Variants in IGFALS observed in about 807,000 individuals in gnomAD.
IGFALS encodes insulin like growth factor binding protein acid labile subunit, also known as insulin-like growth factor-binding protein complex acid labile subunit.
A neutral mutation model predicts 2.6 loss-of-function variants in IGFALS; 2 were observed. The observed-to-expected ratio is 0.77, with a 90% CI of 0.32 to 2.44. The LOEUF (loss-of-function observed/expected upper bound fraction) is 2.44, where lower values mean the gene tolerates loss of function less well. IGFALS is among the 30% of genes most tolerant of loss of function. IGFALS has a pLI of 0.11. For missense variants in IGFALS, 996 were observed against 848.7 expected (o/e 1.17, Z -2.16); for synonymous variants, 519 against 431.9 (o/e 1.20, Z -2.50).
chr16:1,793,524 A>C (rs1897276281), intron 1 of IGFALS, 113 bp downstream of exon 1: 4 of 999,582 alleles, frequency 4.0e-6, no homozygotes, highest in Admixed American at 4.9e-5. Flanking sequence ...GCAGACCCCC[A>C]GAGCTGAGCC....
chr16:1,791,265 G>T lies in IGFALS; in HGVS notation c.1153C>A (p.Leu385Met). The part of the protein sequence containing the change: ...RNLPEQVFRG[L>M]GKLHSLHLEG... ...AGGTGCAGGCTGTGCAGCTTGCCCA[G>T]GCCCCGGAACACCTGCTCCGGAAGG... is the stretch of plus-strand genomic sequence containing the variant. Residue 385 changes from leucine (L) to methionine (M), a missense_variant, in exon 2 of 2, where the codon CTG becomes ATG. By Grantham distance (15) the Leu-to-Met change is conservative (BLOSUM62 2). Coordinates refer to ENST00000215539, the MANE Select transcript of IGFALS (RefSeq NM_004970.3). 6.2e-7 allele frequency: 1 copy of T among 1,609,266 alleles called. No homozygotes were observed. The highest frequency in any genetic ancestry group is 8.5e-7 in the Non-Finnish European group (1 of 1,179,908).
Position 1,790,558 on chromosome 16 carries a change from C to T in IGFALS, c.*42G>A, listed in dbSNP as rs906572131. 2.0e-6 allele frequency: 3 copies of T among 1,508,812 alleles called. No homozygotes were observed. Among genetic ancestry groups the T allele is most frequent in the African/African-American group, 2.8e-5 (2 of 72,296 alleles). 93.5% of individuals were successfully genotyped at this position (1,508,812 alleles called of 1,614,324 possible). ...GACCTGTCCCCAGCACAAGGTGAGC[C>T]AGGTGGGGGCCTGAGTCCGGGGCTT... On this transcript the variant is annotated 3_prime_UTR_variant, in exon 2 of 2. Transcript: ENST00000215539.
At position 1,791,203 on chromosome 16, in the gene IGFALS, G is replaced by C; in HGVS notation, c.1215C>G (p.Thr405=). 1 of 1,608,110 alleles carries C rather than the reference G, an allele frequency of 6.2e-7. No homozygotes were observed. The highest frequency in any genetic ancestry group is 8.5e-7 in the Non-Finnish European group (1 of 1,179,890). ...GGCGGAGCCCCGAGAGGCCGGTGAA[G>C]GTGTGCGGGCGGATGCGTCCCAGGC... ...GSCLGRIRPH[T]FTGLSGLRRL... The change falls in exon 2 of 2, where the codon ACC becomes ACG. Residue 405 remains threonine, a synonymous_variant. Coordinates refer to ENST00000215539, the MANE Select transcript of IGFALS (RefSeq NM_004970.3).
In IGFALS at chr16:1,791,898, C is replaced by T; in HGVS notation, c.520G>A (p.Asp174Asn). 1 of 1,572,728 alleles carries T rather than the reference C, an allele frequency of 6.4e-7. No individual in the cohort carries two copies. The highest frequency in any genetic ancestry group is 8.6e-7 in the Non-Finnish European group (1 of 1,160,144). ...AGGCTATTCCAGCCGAGGTTGAGGT[C>T]CCAGAGGCTGCCGAGGCCCTCGAAG... ...GLFEGLGSLWDLNLGWNSLAV... is the reference protein window; with the variant it reads ...GLFEGLGSLWNLNLGWNSLAV... The change falls in exon 2 of 2, where the codon GAC (aspartate) becomes AAC (asparagine). Residue 174 changes from aspartate to asparagine, a missense_variant. Coordinates refer to ENST00000215539, the MANE Select transcript of IGFALS (RefSeq NM_004970.3).
chr16:1,793,610 G>A (rs937222232), intron 1 of IGFALS, 27 bp downstream of exon 1: 3 of 1,590,508 alleles, frequency 1.9e-6, no homozygotes, highest in Non-Finnish European at 2.6e-6. Flanking sequence ...CCCCTAGAGT[G>A]GGTGGCGGGG....
chr16:1,794,705 C>A (rs1235953672), upstream of IGFALS: 5 of 616,518 alleles, frequency 8.1e-6, no homozygotes, highest in Non-Finnish European at 1.5e-5. Flanking sequence ...GTCAGTGGGG[C>A]CTGCCCACCA....
In IGFALS at chr16:1,790,693, C is replaced by G; in HGVS notation, c.1725G>C (p.Ala575=). ...ICEGDDCQPP[A]YTYNNITCAS... Reference sequence around the variant, plus strand: ...CACAGGTGATGTTGTTGTAGGTGTACGCGGGCGGCTGGCAATCGTCCCCCT... The same window carrying G: ...CACAGGTGATGTTGTTGTAGGTGTAGGCGGGCGGCTGGCAATCGTCCCCCT... Residue 575 remains alanine, a synonymous_variant, in exon 2 of 2, where the codon GCG becomes GCC. Transcript: ENST00000215539. 6.2e-7 allele frequency: 1 copy of G among 1,607,732 alleles called. No homozygotes were observed.
Sources: allele counts gnomAD v4.1 joint callset, GRCh38; gene constraint gnomAD v4.1.1; transcripts MANE v1.5; gene names NCBI Gene and HGNC (gene_info 2026-07-23, HGNC 2026-07-21).